The following SLC26A1 variants were observed in gnomAD, a reference collection of about 807,000 sequenced individuals.
SLC26A1 encodes sulfate anion transporter 1.
In SLC26A1, 18 loss-of-function variants were observed where a neutral mutation model predicts 14.5. That is an observed-to-expected ratio of 1.24 (90% CI 0.86 to 1.84). The LOEUF (loss-of-function observed/expected upper bound fraction) is 1.84, where lower values mean the gene tolerates loss of function less well. Ranked by LOEUF, SLC26A1 falls within the 40% of genes most tolerant of loss-of-function variation. The pLI is 0.00. For missense variants in SLC26A1, 1,049 were observed against 1,020.0 expected (o/e 1.03, Z -0.39); for synonymous variants, 505 against 492.0 (o/e 1.03, Z -0.35).
At chr4:979,389 C>T (rs565017985) in exon 3 of SLC26A1, 26 of 1,382,254 alleles carry the variant, frequency 1.9e-5, no homozygotes, top group Admixed American at 7.5e-5. Context: ...TCGTTGATGT[C>T]GGCATTTCCT....
chr4:991,637 C>T lies in SLC26A1; in HGVS notation c.67G>A (p.Ala23Thr). 1 of 1,562,782 alleles carries T rather than the reference C, an allele frequency of 6.4e-7. No homozygotes were observed. Among genetic ancestry groups the T allele is most frequent in the East Asian group, 2.2e-5 (1 of 44,518 alleles). Residue 23 changes from alanine (A) to threonine (T), a missense_variant, in exon 2 of 3, where the codon GCA becomes ACA. By Grantham distance (58) the Ala-to-Thr change is moderately conservative. Transcript: ENST00000398516. ...AGCATCTCACGCAGACCCCGGGGTG[C>T]TGGGCGCTGCCGTCGGACCGGCACC... The part of the protein sequence containing the change: ...GPVPVRRQRP[A>T]PRGLREMLKA...
chr4:991,305 C>T lies in SLC26A1; in HGVS notation c.399G>A (p.Val133=). The T allele has an allele frequency of 6.2e-7, 1 of 1,612,804 alleles. No individual in the cohort carries two copies. The highest frequency in any genetic ancestry group is 8.5e-7 in the Non-Finnish European group (1 of 1,179,928). ...GGAGCTCCCGGTCCACCACCTGCCC[C>T]ACCATGAGGCAAAGCAGGCTGAAGA... ...VGIFSLLCLM[V]GQVVDRELQL... The change falls in exon 2 of 3, where the codon GTG becomes GTA. Residue 133 remains valine, a synonymous_variant. Coordinates refer to ENST00000398516, the MANE Select transcript of SLC26A1 (RefSeq NM_022042.4).
chr4:979,198 T>C, exon 3 of SLC26A1: 1 of 533,572 alleles, frequency 1.9e-6, no homozygotes, highest in Non-Finnish European at 3.3e-6. Flanking sequence ...GGTTACATCA[T>C]CCACATGGTA....
In SLC26A1 at chr4:991,671, G is replaced by A. The variant is rs187655915; in HGVS notation, c.33C>T (p.Gly11=). ...GCCGTCGGACCGGCACCGGCCCTCT[G>A]CCCTGCTGCAGAGGCTCAGGGGACT... MDESPEPLQQ[G]RGPVPVRRQR... is the part of the protein sequence containing the mutation. The change falls in exon 2 of 3, where the codon GGC becomes GGT. Residue 11 remains glycine, a synonymous_variant. Transcript: ENST00000398516. The A allele has an allele frequency of 6.5e-7, 1 of 1,537,396 alleles. No homozygotes were observed. The highest frequency in any genetic ancestry group is 8.7e-7 in the Non-Finnish European group (1 of 1,148,296).
At chr4:983,853 C>T (rs1407450525), downstream of SLC26A1, among the ~76,000 whole-genome samples, 1 of 152,216 alleles carries the variant, frequency 6.6e-6, no homozygotes, top group East Asian at 1.9e-4. Flanking sequence ...GAAACAGGGT[C>T]TCACTCTGTT....
In SLC26A1 at chr4:990,282, G is replaced by A. The variant is rs1334233750; in HGVS notation, c.657C>T (p.Ala219=). ...QPLLDGFAMG[A]SVTILTSQLK... ...GCTGCGAGGTCAGGATGGTCACGGA[G>A]GCCCCCATGGCAAAGCCATCGAGCA... Residue 219 remains alanine, a synonymous_variant, in exon 3 of 3, where the codon GCC becomes GCT. Coordinates refer to ENST00000398516, the MANE Select transcript of SLC26A1 (RefSeq NM_022042.4). 6.2e-7 allele frequency: 1 copy of A among 1,601,538 alleles called. No individual in the cohort carries two copies. The highest frequency in any genetic ancestry group is 1.7e-5 in the Admixed American group (1 of 57,958).
At chr4:986,939 A>AG, downstream of SLC26A1, 6 of 521,828 alleles carry the variant, frequency 1.1e-5, no homozygotes, top group East Asian at 1.1e-4. Flanking sequence ...CCCCGAGGCC[A>AG]CCCAACCCCT....
chr4:984,881 T>C (rs913354815), downstream of SLC26A1, among the ~76,000 whole-genome samples: 2 of 152,192 alleles, frequency 1.3e-5, no homozygotes, highest in Non-Finnish European at 2.9e-5. Context: ...GTACAAGGCA[T>C]ATTCCAAATT....
chr4:991,745 AG>A lies in SLC26A1; in HGVS notation c.-27-16del, dbSNP rs781360100. 15 of 1,527,424 alleles carry A rather than the reference AG, an allele frequency of 9.8e-6. No homozygotes were observed. In the East Asian group the frequency reaches 3.6e-4, roughly 37 times the overall value. 94.6% of individuals were successfully genotyped at this position (1,527,424 alleles called of 1,614,324 possible). On this transcript the variant is annotated splice_polypyrimidine_tract_variant and intron_variant, in intron 1 of 2. Transcript: ENST00000398516. ...CCGTGGCCGACCTGCGGCCGAGAAG[AG>A]GGCATGGTCACAGGAGCCCCCGGAT...
downstream of SLC26A1, chr4:987,623 C>T (rs1713837668): frequency 6.9e-7 from 1 of 1,443,580 alleles, no homozygotes; most frequent in East Asian, 2.5e-5. Flanking sequence ...CTTACTGCTG[C>T]TGCCGTTCCC....
intron 1 of SLC26A1, chr4:992,364 C>T (rs1359683916): frequency 2.2e-5 from 8 of 366,726 alleles, no homozygotes; most frequent in East Asian, 1.5e-4. Context: ...CTGGGGCTGG[C>T]GGAAGTCTCA....
chr4:979,390 G>C (rs377632132), exon 3 of SLC26A1: 11 of 1,390,610 alleles, frequency 7.9e-6, no homozygotes, highest in Non-Finnish European at 1.1e-5. Flanking sequence ...CGTTGATGTC[G>C]GCATTTCCTG....
intron 2 of SLC26A1, 99 bp downstream of exon 2, chr4:991,029 G>A: frequency 7.9e-7 from 1 of 1,258,280 alleles, no homozygotes; most frequent in East Asian, 2.5e-5. Flanking sequence ...CACCTCCTCT[G>A]CCAACCCTGT....
chr4:986,870 C>G (rs1353348495), downstream of SLC26A1: 3 of 655,418 alleles, frequency 4.6e-6, no homozygotes, highest in Non-Finnish European at 8.4e-6. Flanking sequence ...AGAGCAGCCC[C>G]TGAGGCCCGC....
rs532240292 is a variant in SLC26A1, at chr4:979,534, T to C, written c.577-30A>G. 15 of 1,612,436 alleles carry C rather than the reference T, an allele frequency of 9.3e-6. No individual in the cohort carries two copies. In the South Asian group the frequency reaches 1.5e-4, roughly 17 times the overall value. The stretch of plus-strand genomic sequence containing the variant: ...AAGGAAGTGGCCGGGAAGGGCATGG[T>C]GGAGGCCGCTGACCCGCTGACGTCT... On this transcript the variant is annotated intron_variant, in intron 2 of 2. Transcript: ENST00000398520.
In SLC26A1 at chr4:991,132, T is replaced by A; in HGVS notation, c.572A>T (p.Tyr191Phe). Residue 191 changes from tyrosine (Y) to phenylalanine (F), a missense_variant, in exon 2 of 3, where the codon TAC (tyrosine) becomes TTC (phenylalanine). Coordinates refer to ENST00000398516, the MANE Select transcript of SLC26A1 (RefSeq NM_022042.4). ...TGCCCAAGCAGGGCTCCTCACCTGG[T>A]AAAGCCCGGTCATCAGCGTGAGGGC... ...ATALTLMTGL[Y>F]QVLMGVLRLG... 6.5e-7 allele frequency: 1 copy of A among 1,538,324 alleles called. No individual in the cohort carries two copies. Among genetic ancestry groups the A allele is most frequent in the Non-Finnish European group, 8.8e-7 (1 of 1,140,212 alleles).
chr4:992,023 GT>G, intron 1 of SLC26A1: 1 of 617,694 alleles, frequency 1.6e-6, no homozygotes, highest in Non-Finnish European at 3.0e-6. Context: ...GCGGCACCCT[GT>G]CCAGGCTCAG....
chr4:985,576 G>T (rs1426588689), downstream of SLC26A1, among the ~76,000 whole-genome samples: 1 of 152,096 alleles, frequency 6.6e-6, no homozygotes, highest in African/African-American at 2.4e-5. Flanking sequence ...TTTTCTCTGG[G>T]GTCGTTGGAC....
At chr4:991,935 C>T (rs911807735) in intron 1 of SLC26A1, 2 of 944,254 alleles carry the variant, frequency 2.1e-6, no homozygotes, top group Non-Finnish European at 3.3e-6. Context: ...CAGAATCCAT[C>T]GTGAGGTGAG....
Sources: allele counts gnomAD v4.1 joint callset (sites outside exome capture counted in the v4.1 genomes callset), GRCh38; gene constraint gnomAD v4.1.1; transcripts MANE v1.5; gene names NCBI Gene and HGNC (gene_info 2026-07-23, HGNC 2026-07-21).